SLC35F1: variants seen among roughly 807,000 people sequenced by gnomAD.
The protein encoded by SLC35F1 is chromosome 6 open reading frame 169.
SLC35F1 carries 14 observed loss-of-function variants against 48.7 expected under a neutral mutation model. The observed-to-expected ratio is 0.29, with a 90% CI of 0.19 to 0.45. The LOEUF (loss-of-function observed/expected upper bound fraction) is 0.45, where lower values mean the gene tolerates loss of function less well. Among genes scored for constraint, SLC35F1 ranks in the 20% least tolerant of loss-of-function variants. The probability of loss-of-function intolerance (pLI) is 1.00; values close to 1 mark genes in which losing one functional copy is unlikely to be tolerated. For synonymous variants in SLC35F1, 190 were observed against 202.2 expected, an observed-to-expected ratio of 0.94 and a Z score of 0.51; for missense variants, 404 against 500.0, an observed-to-expected ratio of 0.81 and a Z score of 1.83.
intron 1 of SLC35F1, among the ~76,000 whole-genome samples, chr6:118,127,590 G>A (rs1773645937): frequency 1.3e-5 from 2 of 152,020 alleles, no homozygotes; most frequent in Non-Finnish European, 2.9e-5. Context: ...ATGGTGCTGG[G>A]AAAACTGGCT....
At chr6:118,249,275 C>T (rs1205726441) in intron 3 of SLC35F1, among the ~76,000 whole-genome samples, 6 of 152,310 alleles carry the variant, frequency 3.9e-5, no homozygotes, top group Non-Finnish European at 1.5e-5. Flanking sequence ...TCCTGCCCAC[C>T]CTTGCTTGTG....
chr6:118,058,678 A>T (rs1473580426), intron 1 of SLC35F1, among the ~76,000 whole-genome samples: 2 of 152,136 alleles, frequency 1.3e-5, no homozygotes, highest in East Asian at 1.9e-4. Flanking sequence ...CTTTCTAATA[A>T]ATCTTTGCTT....
intron 1 of SLC35F1, among the ~76,000 whole-genome samples, chr6:117,923,904 G>A (rs62647918): frequency 2.0e-5 from 3 of 149,006 alleles, no homozygotes; most frequent in Non-Finnish European, 4.5e-5. Context: ...ACACATATAT[G>A]TGTGTGTACA....
chr6:117,934,932 A>G (rs1244189373), intron 1 of SLC35F1, among the ~76,000 whole-genome samples: 1 of 152,052 alleles, frequency 6.6e-6, no homozygotes, highest in Non-Finnish European at 1.5e-5. Context: ...GCATGGTGAA[A>G]CCCCATCTCT....
At chr6:118,142,883 T>C (rs1385532597) in intron 1 of SLC35F1, among the ~76,000 whole-genome samples, 1 of 152,138 alleles carries the variant, frequency 6.6e-6, no homozygotes, top group South Asian at 2.1e-4. Context: ...CACTCTGAAT[T>C]TTTTTACTAC....
At chr6:118,048,913 C>G (rs946452990) in intron 1 of SLC35F1, among the ~76,000 whole-genome samples, 7 of 152,144 alleles carry the variant, frequency 4.6e-5, no homozygotes, top group Admixed American at 4.6e-4. Flanking sequence ...CAAGTCAATC[C>G]TAAGCCAAAA....
intron 4 of SLC35F1, among the ~76,000 whole-genome samples, chr6:118,273,794 C>T (rs1231079801): frequency 6.6e-6 from 1 of 152,156 alleles, no homozygotes; most frequent in Non-Finnish European, 1.5e-5. Flanking sequence ...CCCATGAACC[C>T]AAAGAGAACT....
At chr6:117,964,056 C>A (rs1472893600) in intron 1 of SLC35F1, among the ~76,000 whole-genome samples, 1 of 152,172 alleles carries the variant, frequency 6.6e-6, no homozygotes, top group Admixed American at 6.5e-5. Context: ...CTCCCACTTA[C>A]AAGTGAGAAC....
At chr6:118,214,642 T>C (rs1180352081) in intron 2 of SLC35F1, among the ~76,000 whole-genome samples, 2 of 152,116 alleles carry the variant, frequency 1.3e-5, no homozygotes, top group Non-Finnish European at 2.9e-5. Context: ...ACGTAGAAAC[T>C]TGTAGATGAG....
At chr6:118,282,909 G>A (rs912540048) in intron 6 of SLC35F1, among the ~76,000 whole-genome samples, 2 of 152,130 alleles carry the variant, frequency 1.3e-5, no homozygotes, top group African/African-American at 4.8e-5. Flanking sequence ...ACTGGTCTCT[G>A]TAACTGGTCC....
intron 1 of SLC35F1, among the ~76,000 whole-genome samples, chr6:117,987,193 T>A (rs1211079195): frequency 6.6e-6 from 1 of 152,184 alleles, no homozygotes; most frequent in Non-Finnish European, 1.5e-5. Flanking sequence ...TCCACTCATC[T>A]CTTTGTGCAT....
In SLC35F1 at chr6:117,907,677, G is replaced by T. The variant is rs777024194; in HGVS notation, c.-50G>T. On this transcript the variant is annotated 5_prime_UTR_variant, in exon 1 of 8. Coordinates refer to ENST00000360388, the MANE Select transcript of SLC35F1 (RefSeq NM_001029858.4). ...GTTCCCGGGCCCGGAACCGGCACAC[G>T]ATGCACCCGGCTGCGTTCTGATCGC... The T allele has an allele frequency of 2.5e-6, 3 of 1,207,766 alleles. No individual in the cohort carries two copies. The highest frequency in any genetic ancestry group is 2.9e-5 in the East Asian group (1 of 34,378). 74.8% of individuals were successfully genotyped at this position (1,207,766 alleles called of 1,614,324 possible).
chr6:117,988,995 AT>A (rs1422505453), intron 1 of SLC35F1, among the ~76,000 whole-genome samples: 3 of 152,214 alleles, frequency 2.0e-5, no homozygotes, highest in Non-Finnish European at 4.4e-5. Flanking sequence ...GAGGTGTCAT[AT>A]TTTGAAGCAG....
At chr6:118,138,892 G>A (rs1773839245) in intron 1 of SLC35F1, among the ~76,000 whole-genome samples, 1 of 152,004 alleles carries the variant, frequency 6.6e-6, no homozygotes, top group African/African-American at 2.4e-5. Flanking sequence ...GCGTGCACCG[G>A]TGAGATAGGT....
chr6:118,274,601 T>C (rs1775896892), intron 4 of SLC35F1, among the ~76,000 whole-genome samples: 1 of 152,144 alleles, frequency 6.6e-6, no homozygotes, highest in African/African-American at 2.4e-5. Flanking sequence ...TTTTGCCATA[T>C]TGGCCAGGCT....
chr6:118,049,243 C>A (rs9489301), intron 1 of SLC35F1, among the ~76,000 whole-genome samples: 1 of 152,096 alleles, frequency 6.6e-6, no homozygotes. Flanking sequence ...AAATGTTAGA[C>A]CTAAAACCAT....
At chr6:118,249,102 T>A (rs1158190069) in intron 3 of SLC35F1, among the ~76,000 whole-genome samples, 1 of 152,232 alleles carries the variant, frequency 6.6e-6, no homozygotes, top group Non-Finnish European at 1.5e-5. Flanking sequence ...CCTCCAGAAC[T>A]GTGGGAAATA....
At chr6:118,100,066 A>T (rs1410263670) in intron 1 of SLC35F1, among the ~76,000 whole-genome samples, 4 of 152,150 alleles carry the variant, frequency 2.6e-5, no homozygotes, top group Non-Finnish European at 5.9e-5. Context: ...GGTTGGTATT[A>T]TTATTATACT....
chr6:118,103,814 G>T (rs1773292562), intron 1 of SLC35F1, among the ~76,000 whole-genome samples: 1 of 152,056 alleles, frequency 6.6e-6, no homozygotes, highest in African/African-American at 2.4e-5. Flanking sequence ...AGGCAACCTT[G>T]AAATGTTTTT....
Sources: allele counts gnomAD v4.1 joint callset (sites outside exome capture counted in the v4.1 genomes callset), GRCh38; gene constraint gnomAD v4.1.1; transcripts MANE v1.5; gene names NCBI Gene and HGNC (gene_info 2026-07-23, HGNC 2026-07-21).